CCDC171: variants seen among roughly 807,000 people sequenced by gnomAD.
CCDC171 encodes the protein coiled-coil domain containing 171.
A neutral mutation model predicts 168.2 loss-of-function variants in CCDC171; 177 were observed. That is an observed-to-expected ratio of 1.05 (90% confidence interval 0.93 to 1.19). CCDC171 has a LOEUF of 1.19. CCDC171 is among the 50% of genes most tolerant of loss of function. The pLI, the probability that CCDC171 is intolerant of heterozygous loss-of-function variation, is 0.00. For missense variants in CCDC171, 1,991 were observed against 1,539.0 expected (o/e 1.29, Z -4.91); for synonymous variants, 687 against 540.8 (o/e 1.27, Z -3.75).
At chr9:15,611,396 G>C (rs1040902815) in intron 6 of CCDC171, among the ~76,000 whole-genome samples, 1 of 152,182 alleles carries the variant, frequency 6.6e-6, no homozygotes, top group African/African-American at 2.4e-5. Flanking sequence ...TAAGAATGAG[G>C]CACTAAAAAG....
chr9:15,614,453 G>A (rs2043939026), intron 6 of CCDC171, among the ~76,000 whole-genome samples: 1 of 152,162 alleles, frequency 6.6e-6, no homozygotes, highest in Admixed American at 6.5e-5. Context: ...AGATTCAATT[G>A]ATTTCCCTGA....
At chr9:15,798,304 C>T (rs2135734296) in intron 21 of CCDC171, among the ~76,000 whole-genome samples, 1 of 152,112 alleles carries the variant, frequency 6.6e-6, no homozygotes, top group South Asian at 2.1e-4. Flanking sequence ...TTCATATTTT[C>T]TCTTTTCTCT....
Position 16,023,069 on chromosome 9 carries a change from C to T in CCDC171, n.998+161C>T, listed in dbSNP as rs376160657. Among the ~76,000 whole-genome samples, 5 of 152,034 alleles carry T rather than the reference C, an allele frequency of 3.3e-5. No homozygotes were observed. The East Asian group carries it at 5.8e-4, about 18-fold the overall frequency. The stretch of plus-strand genomic sequence containing the variant: ...AGATGCCGGGATACTAAGGGGTTCT[C>T]AGGTCAAAGCATTTGGGGGTTCATT... On this transcript the variant is annotated intron_variant and non_coding_transcript_variant, in intron 6 of 9. Coordinates refer to the CCDC171 transcript ENST00000486641.
At chr9:15,878,082 T>C (rs574708454) in intron 24 of CCDC171, among the ~76,000 whole-genome samples, 27 of 152,236 alleles carry the variant, frequency 1.8e-4, no homozygotes, top group Middle Eastern at 3.4e-3. Context: ...AAAGATTTCA[T>C]GATGAAGGTG....
intron 3 of CCDC171, among the ~76,000 whole-genome samples, chr9:15,994,313 A>G (rs922543368): frequency 1.3e-5 from 2 of 152,270 alleles, no homozygotes; most frequent in African/African-American, 4.8e-5. Flanking sequence ...GGAAACCATC[A>G]TTCTCAGCAA....
At chr9:15,741,236 G>A (rs998430112) in intron 16 of CCDC171, among the ~76,000 whole-genome samples, 17 of 152,068 alleles carry the variant, frequency 1.1e-4, no homozygotes, top group Admixed American at 5.2e-4. Context: ...TTTAGCTCGT[G>A]AACTTTTCAT....
chr9:16,001,470 T>G (rs1295400855), intron 3 of CCDC171, among the ~76,000 whole-genome samples: 2 of 152,016 alleles, frequency 1.3e-5, no homozygotes, highest in Admixed American at 6.6e-5. Flanking sequence ...GGTGTGTGTG[T>G]GGGCGGGGGT....
chr9:15,784,142 A>G (rs1328482781), intron 20 of CCDC171, among the ~76,000 whole-genome samples: 1 of 152,172 alleles, frequency 6.6e-6, no homozygotes, highest in Non-Finnish European at 1.5e-5. Context: ...GCTGAACACA[A>G]ACTTCTAGGT....
intron 23 of CCDC171, among the ~76,000 whole-genome samples, chr9:15,869,144 G>C (rs2061918168): frequency 6.6e-6 from 1 of 151,950 alleles, no homozygotes; most frequent in Non-Finnish European, 1.5e-5. Context: ...CCATGGATAT[G>C]GAACCCACAA....
At chr9:16,055,539 C>A (rs1833825990) in intron 1 of CCDC171, among the ~76,000 whole-genome samples, 2 of 152,148 alleles carry the variant, frequency 1.3e-5, no homozygotes, top group South Asian at 2.1e-4. Context: ...CCACTGCCCC[C>A]TCAGCAACGC....
intron 7 of CCDC171, among the ~76,000 whole-genome samples, chr9:15,625,315 A>G (rs200144478): frequency 9.2e-5 from 14 of 151,952 alleles, no homozygotes; most frequent in South Asian, 4.1e-4. Context: ...AAGCTCTTTA[A>G]TTTAATTAGA....
chr9:15,868,901 A>G (rs144198429), intron 23 of CCDC171, among the ~76,000 whole-genome samples: 88 of 152,100 alleles, frequency 5.8e-4, no homozygotes, highest in African/African-American at 1.9e-3. Context: ...GTGGATACCA[A>G]TATCCATGAT....
chr9:15,983,961 C>T (rs566997580), intron 3 of CCDC171, among the ~76,000 whole-genome samples: 12 of 151,920 alleles, frequency 7.9e-5, no homozygotes, highest in Non-Finnish European at 8.8e-5. Context: ...ATCTTCCCAC[C>T]AGAACCATTG....
the CCDC171 span, among the ~76,000 whole-genome samples, chr9:16,067,876 T>C: frequency 0.026 from 3,955 of 152,258 alleles, 172 homozygotes; most frequent in African/African-American, 0.088. Context: ...CCTTGTAGTA[T>C]AGTTTGAAGT....
At chr9:15,624,649 T>G (rs2044886501) in intron 7 of CCDC171, among the ~76,000 whole-genome samples, 1 of 152,216 alleles carries the variant, frequency 6.6e-6, no homozygotes, top group African/African-American at 2.4e-5. Flanking sequence ...AACTCATCAT[T>G]TTTTATGGCT....
At chr9:15,931,428 A>C (rs1367141441) in intron 25 of CCDC171, among the ~76,000 whole-genome samples, 3 of 105,262 alleles carry the variant, frequency 2.9e-5, no homozygotes, top group African/African-American at 3.5e-5. Context: ...CTATTTTTAA[A>C]TTGGGGTCTT....
chr9:15,999,195 A>G (rs1832460023), intron 3 of CCDC171, among the ~76,000 whole-genome samples: 1 of 151,260 alleles, frequency 6.6e-6, no homozygotes, highest in African/African-American at 2.4e-5. Flanking sequence ...TGGGTGACAG[A>G]GAGAGACCCT....
chr9:15,981,139 A>G (rs1204950077), intron 3 of CCDC171, among the ~76,000 whole-genome samples: 1 of 152,126 alleles, frequency 6.6e-6, no homozygotes, highest in Non-Finnish European at 1.5e-5. Flanking sequence ...GGAATTCAAG[A>G]TGAGATATGG....
In CCDC171 at chr9:15,920,380, A is replaced by G; in HGVS notation, c.3711A>G (p.Glu1237=). 1 of 1,609,598 alleles carries G rather than the reference A, an allele frequency of 6.2e-7. No individual in the cohort carries two copies. Among genetic ancestry groups the G allele is most frequent in the Non-Finnish European group, 8.5e-7 (1 of 1,177,112 alleles). Residue 1237 remains glutamate, a synonymous_variant, in exon 25 of 26, where the codon GAA becomes GAG. Coordinates refer to ENST00000380701, the MANE Select transcript of CCDC171 (RefSeq NM_173550.4). The part of the protein sequence containing the change: ...HRSHIAALKS[E]LHTACLRENA... Reference sequence around the variant, plus strand: ...GTCACATTGCAGCCTTGAAATCAGAACTTCACACAGCTTGTTTACGTGAAA... The same window carrying G: ...GTCACATTGCAGCCTTGAAATCAGAGCTTCACACAGCTTGTTTACGTGAAA...
Sources: gnomAD v4.1 joint callset for allele counts (sites outside exome capture counted in the v4.1 genomes callset) on GRCh38, gnomAD v4.1.1 for gene constraint, MANE v1.5 for transcripts, NCBI Gene and HGNC (gene_info 2026-07-23, HGNC 2026-07-21) for gene names.